PIBF1: variants seen among roughly 807,000 people sequenced by gnomAD.
PIBF1 encodes progesterone immunomodulatory binding factor 1, also known as progesterone-induced-blocking factor 1.
A neutral mutation model predicts 112.5 loss-of-function variants in PIBF1; 90 were observed. The observed-to-expected ratio is 0.80, with a 90% confidence interval of 0.67 to 0.95. The LOEUF (loss-of-function observed/expected upper bound fraction) is 0.95. Among genes scored for constraint, PIBF1 ranks in the 40% least tolerant of loss-of-function variants. The probability of loss-of-function intolerance (pLI) is 0.00; values close to 1 mark genes in which losing one functional copy is unlikely to be tolerated. For missense variants in PIBF1, 915 were observed against 852.3 expected, an observed-to-expected ratio of 1.07 and a Z score of -0.92; for synonymous variants, 301 against 288.6, an observed-to-expected ratio of 1.04 and a Z score of -0.44.
intron 17 of PIBF1, among the ~76,000 whole-genome samples, chr13:73,010,649 G>T (rs1285817758): frequency 6.6e-6 from 1 of 151,692 alleles, no homozygotes; most frequent in Non-Finnish European, 1.5e-5. Flanking sequence ...GTTCTTCTAT[G>T]ACCAAGAATA....
intron 16 of PIBF1, among the ~76,000 whole-genome samples, chr13:72,993,760 A>AT (rs2043556239): frequency 6.6e-6 from 1 of 151,894 alleles, no homozygotes; most frequent in Non-Finnish European, 1.5e-5. Flanking sequence ...AAAAAAAAAA[A>AT]AAGAATCAGG....
intron 14 of PIBF1, among the ~76,000 whole-genome samples, chr13:72,961,424 A>G (rs2042604385): frequency 6.6e-6 from 1 of 152,182 alleles, no homozygotes; most frequent in Non-Finnish European, 1.5e-5. Context: ...TTAATACTTT[A>G]AAAGTATATA....
intron 5 of PIBF1, among the ~76,000 whole-genome samples, chr13:72,798,587 C>G (rs2035309842): frequency 6.6e-6 from 1 of 152,044 alleles, no homozygotes; most frequent in African/African-American, 2.4e-5. Context: ...ATTATCTCAG[C>G]CTAGACGATG....
intron 2 of PIBF1, among the ~76,000 whole-genome samples, chr13:72,790,508 C>CATAGAT (rs1179585560): frequency 7.6e-6 from 1 of 132,320 alleles, no homozygotes; most frequent in Non-Finnish European, 1.6e-5. Context: ...ATCACACACA[C>CATAGAT]ACATAGATAG....
chr13:72,845,514 C>G (rs2037829861), intron 9 of PIBF1, among the ~76,000 whole-genome samples: 1 of 152,028 alleles, frequency 6.6e-6, no homozygotes, highest in South Asian at 2.1e-4. Flanking sequence ...GATTTATAGT[C>G]CTTTTGGTAT....
At chr13:72,916,161 G>C (rs2041084707) in intron 12 of PIBF1, among the ~76,000 whole-genome samples, 1 of 151,974 alleles carries the variant, frequency 6.6e-6, no homozygotes, top group South Asian at 2.1e-4. Context: ...GGCTGAGGCA[G>C]GCAGATCACC....
chr13:72,940,201 G>GT (rs939094692), intron 14 of PIBF1, among the ~76,000 whole-genome samples: 4 of 151,926 alleles, frequency 2.6e-5, no homozygotes, highest in African/African-American at 9.7e-5. Context: ...GTTCTCTTCA[G>GT]TTTTTTTCAG....
chr13:72,788,963 A>G (rs994540201), intron 2 of PIBF1, among the ~76,000 whole-genome samples: 2 of 152,228 alleles, frequency 1.3e-5, no homozygotes, highest in South Asian at 2.1e-4. Flanking sequence ...TGAATTCTCC[A>G]TGTCTAAAAA....
chr13:72,797,200 C>G (rs529532352), intron 4 of PIBF1, among the ~76,000 whole-genome samples: 2 of 152,216 alleles, frequency 1.3e-5, no homozygotes, highest in East Asian at 3.9e-4. Flanking sequence ...GTAAATAAAG[C>G]TTTGCCAAGA....
chr13:72,942,381 G>T (rs1371664835), intron 14 of PIBF1, among the ~76,000 whole-genome samples: 3 of 151,246 alleles, frequency 2.0e-5, no homozygotes, highest in African/African-American at 7.3e-5. Flanking sequence ...TTTCATTTTA[G>T]ACATACTTTC....
intron 6 of PIBF1, among the ~76,000 whole-genome samples, chr13:72,823,745 G>T (rs1410182188): frequency 6.6e-6 from 1 of 152,142 alleles, no homozygotes. Flanking sequence ...AGATCTGAAT[G>T]TATCACTTTT....
At chr13:72,959,536 A>G (rs1364861629) in intron 14 of PIBF1, among the ~76,000 whole-genome samples, 6 of 152,202 alleles carry the variant, frequency 3.9e-5, no homozygotes, top group Non-Finnish European at 8.8e-5. Context: ...AGCAGTATTC[A>G]TTTTATTCCT....
chr13:72,847,934 A>G (rs1823850240), intron 9 of PIBF1, among the ~76,000 whole-genome samples: 1 of 152,208 alleles, frequency 6.6e-6, no homozygotes, highest in Non-Finnish European at 1.5e-5. Context: ...GATAAATTCA[A>G]ACACTTTTCC....
rs185900317 is a variant in PIBF1 at position 72,869,800 on chromosome 13, C to G, written c.1322+15645C>G. ...GCTAAAGGTTGTGGCTACTTAACCC[C>G]CCACCTCCACACACACACACATATA... On this transcript the variant is annotated intron_variant, in intron 10 of 17. Coordinates refer to ENST00000326291, the MANE Select transcript of PIBF1 (RefSeq NM_006346.4). Among the ~76,000 whole-genome samples, 1,151 of 151,668 alleles carry G rather than the reference C, an allele frequency of 7.6e-3. 6 individuals carry two copies. Among genetic ancestry groups the G allele is most frequent in the South Asian group, 0.016 (79 of 4,792 alleles).
intron 10 of PIBF1, among the ~76,000 whole-genome samples, chr13:72,878,790 C>G (rs1249704169): frequency 6.6e-6 from 1 of 152,120 alleles, no homozygotes; most frequent in Non-Finnish European, 1.5e-5. Flanking sequence ...ATTTTGACAT[C>G]TGTTCTTGGA....
intron 14 of PIBF1, among the ~76,000 whole-genome samples, chr13:72,932,413 T>C (rs1206703889): frequency 6.6e-6 from 1 of 152,218 alleles, no homozygotes; most frequent in African/African-American, 2.4e-5. Flanking sequence ...AGGATCTTTA[T>C]CCTCAAATTT....
chr13:72,968,091 G>T (rs1190148926), intron 15 of PIBF1, among the ~76,000 whole-genome samples: 1 of 151,666 alleles, frequency 6.6e-6, no homozygotes, highest in Non-Finnish European at 1.5e-5. Context: ...GGCTGAGGCA[G>T]GAGAATGGCG....
At chr13:72,818,836 TATC>T (rs2036416070) in intron 5 of PIBF1, among the ~76,000 whole-genome samples, 1 of 152,104 alleles carries the variant, frequency 6.6e-6, no homozygotes, top group Admixed American at 6.6e-5. Context: ...AGTTTATTGT[TATC>T]AGCCTCAAAT....
intron 13 of PIBF1, among the ~76,000 whole-genome samples, chr13:72,928,328 T>C (rs2325481): frequency 0.21 from 31,590 of 151,888 alleles, 3,379 homozygotes; most frequent in Middle Eastern, 0.27. Context: ...CCTTAGATAC[T>C]TTCCTTCTAT....
Sources: allele counts gnomAD v4.1 joint callset (sites outside exome capture counted in the v4.1 genomes callset), GRCh38; gene constraint gnomAD v4.1.1; transcripts MANE v1.5; gene names NCBI Gene and HGNC (gene_info 2026-07-23, HGNC 2026-07-21).